The following OLA1 variants were observed in gnomAD, a reference collection of about 807,000 sequenced individuals.
OLA1 encodes the protein Obg like ATPase 1.
In OLA1, 14 loss-of-function variants were observed where a neutral mutation model predicts 48.4. The ratio of observed to expected loss-of-function variants is 0.29; its 90% CI spans 0.19 to 0.45. The LOEUF is 0.45. OLA1 is among the 20% of genes least tolerant of loss of function. The probability of loss-of-function intolerance (pLI) is 1.00; values close to 1 mark genes in which losing one functional copy is unlikely to be tolerated. For synonymous variants in OLA1, 127 were observed against 150.4 expected (o/e 0.84, Z 1.14); for missense variants, 325 against 467.1 (o/e 0.70, Z 2.80).
rs139334462 is a variant in OLA1 at position 174,245,580 on chromosome 2, T to G, written c.101+1135A>C. ...GAGATGTTTTATATTTTAAGGTTAG[T>G]GAAAGGATAAATAATGAAAAAGGAA... On this transcript the variant is annotated intron_variant, in intron 2 of 10. Transcript: ENST00000284719. 9.9e-5 allele frequency among the ~76,000 whole-genome samples: 15 copies of G among 152,192 alleles called. 1 individual carries two copies. In the East Asian group the frequency reaches 2.9e-3, roughly 29 times the overall value.
chr2:174,212,134 A>G (rs1285118144), intron 4 of OLA1, among the ~76,000 whole-genome samples: 1 of 152,180 alleles, frequency 6.6e-6, no homozygotes, highest in African/African-American at 2.4e-5. Context: ...TGTGAACATC[A>G]TAGAGGGTAC....
At chr2:174,079,172 A>T (rs1159400328) in intron 9 of OLA1, 82 bp from the exon 10 acceptor site, 1 of 1,224,496 alleles carries the variant, frequency 8.2e-7, no homozygotes, top group East Asian at 2.5e-5. Context: ...TCTGATCTGC[A>T]GTTGGGCTCA....
rs1167364322 is a variant in OLA1 at position 174,130,125 on chromosome 2, C to T, written c.550-6450G>A. ...GAAAAAAAATCAAACTAAGCTTTCT[C>T]TTATAAAATAGACCTCCACTGTGTA... On this transcript the variant is annotated intron_variant, in intron 5 of 10. Coordinates refer to ENST00000284719, the MANE Select transcript of OLA1 (RefSeq NM_013341.5). Among the ~76,000 whole-genome samples, 5 of 152,278 alleles carry T rather than the reference C, an allele frequency of 3.3e-5. No homozygotes were observed. In the South Asian group the frequency reaches 6.2e-4, roughly 19 times the overall value.
At chr2:174,187,030 C>G (rs571907033) in intron 4 of OLA1, among the ~76,000 whole-genome samples, 1 of 152,262 alleles carries the variant, frequency 6.6e-6, no homozygotes, top group South Asian at 2.1e-4. Context: ...TCACAGTGAA[C>G]ACATGCCATT....
intron 4 of OLA1, among the ~76,000 whole-genome samples, chr2:174,157,677 G>A (rs1026674214): frequency 1.3e-5 from 2 of 152,104 alleles, no homozygotes; most frequent in African/African-American, 4.8e-5. Context: ...TATTCATAAT[G>A]TCAATGGATT....
chr2:174,082,153 T>G, intron 7 of OLA1, 89 bp from the exon 8 acceptor site: 1 of 1,418,928 alleles, frequency 7.0e-7, no homozygotes, highest in Non-Finnish European at 9.8e-7. Context: ...TACATATTCA[T>G]AAGAATTGCA....
intron 4 of OLA1, among the ~76,000 whole-genome samples, chr2:174,146,097 T>G (rs1686591498): frequency 6.6e-6 from 1 of 152,118 alleles, no homozygotes; most frequent in African/African-American, 2.4e-5. Context: ...AGCAATAAAT[T>G]TGAAGTGCTT....
At chr2:174,094,605 G>C (rs993582281) in intron 7 of OLA1, among the ~76,000 whole-genome samples, 3 of 152,158 alleles carry the variant, frequency 2.0e-5, no homozygotes, top group African/African-American at 7.2e-5. Flanking sequence ...AAGAGAATTG[G>C]GAGTCCAGAA....
chr2:174,223,749 C>T (rs1688555324), intron 3 of OLA1, among the ~76,000 whole-genome samples: 1 of 135,832 alleles, frequency 7.4e-6, no homozygotes, highest in Admixed American at 7.9e-5. Flanking sequence ...ATTTGATCAC[C>T]CACATGTTAT....
chr2:174,245,180 C>G (rs967951394), intron 2 of OLA1, among the ~76,000 whole-genome samples: 1 of 152,174 alleles, frequency 6.6e-6, no homozygotes, highest in Non-Finnish European at 1.5e-5. Flanking sequence ...CTTGCTTTCA[C>G]GTTTATTGAT....
At chr2:174,234,222 A>T (rs572570500) in intron 2 of OLA1, among the ~76,000 whole-genome samples, 11 of 152,182 alleles carry the variant, frequency 7.2e-5, no homozygotes, top group African/African-American at 2.7e-4. Flanking sequence ...CTTCCTTATG[A>T]TTTTCTTAAT....
rs1174747360 is a variant in OLA1, at chr2:174,091,869, C to CAAA, written c.729-9808_729-9806dup. On this transcript the variant is annotated intron_variant, in intron 7 of 10. Transcript: ENST00000284719. The stretch of plus-strand genomic sequence containing the variant: ...CCTGGGAGACAGCGAGACTCTGCCT[C>CAAA]AAAAAAAAAAAAAAAAAAAAAAAAA... Among the ~76,000 whole-genome samples, 25 of 22,982 alleles carry CAAA rather than the reference C, an allele frequency of 1.1e-3. 6 individuals carry two copies. Among genetic ancestry groups the CAAA allele is most frequent in the African/African-American group, 2.0e-3 (14 of 7,024 alleles). The allele number at this position is 22,982 out of a possible 152,430, so 15.1% of individuals were successfully genotyped here.
Position 174,089,809 on chromosome 2 carries a change from G to T in OLA1, c.729-7745C>A, listed in dbSNP as rs561374998. ...CCCAACTACTTGGAAGGCTGAGGTG[G>T]GAGGATCGCTTCAGCCCAGGAGGAG... On this transcript the variant is annotated intron_variant, in intron 7 of 10. Coordinates refer to ENST00000284719, the MANE Select transcript of OLA1 (RefSeq NM_013341.5). Among the ~76,000 whole-genome samples, 8 of 151,770 alleles carry T rather than the reference G, an allele frequency of 5.3e-5. No homozygotes were observed. The East Asian group carries it at 1.4e-3, about 26-fold the overall frequency.
intron 4 of OLA1, among the ~76,000 whole-genome samples, chr2:174,181,163 G>A (rs1214209930): frequency 6.6e-6 from 1 of 152,114 alleles, no homozygotes; most frequent in African/African-American, 2.4e-5. Flanking sequence ...CTTAATCAGA[G>A]AAAACTATGG....
intron 4 of OLA1, among the ~76,000 whole-genome samples, chr2:174,175,079 C>A (rs1044909283): frequency 6.6e-6 from 1 of 151,948 alleles, no homozygotes; most frequent in African/African-American, 2.4e-5. Flanking sequence ...AAAATTAACA[C>A]CTTACCTCAT....
intron 3 of OLA1, among the ~76,000 whole-genome samples, chr2:174,224,538 A>C (rs886729253): frequency 6.6e-6 from 1 of 152,146 alleles, no homozygotes; most frequent in Non-Finnish European, 1.5e-5. Flanking sequence ...TGGGAGGCTG[A>C]GGCAGGAGGG....
At chr2:174,224,084 TA>T (rs1421706778) in intron 3 of OLA1, among the ~76,000 whole-genome samples, 2 of 152,234 alleles carry the variant, frequency 1.3e-5, no homozygotes, top group African/African-American at 4.8e-5. Context: ...CACTACCTGA[TA>T]AAATACAACA....
chr2:174,100,550 A>C (rs1156473634), intron 7 of OLA1, among the ~76,000 whole-genome samples: 1 of 152,144 alleles, frequency 6.6e-6, no homozygotes, highest in African/African-American at 2.4e-5. Context: ...GACTACAGGC[A>C]TTCACCACCA....
chr2:174,082,788 T>C (rs957436470), intron 7 of OLA1, among the ~76,000 whole-genome samples: 1 of 152,110 alleles, frequency 6.6e-6, no homozygotes, highest in African/African-American at 2.4e-5. Flanking sequence ...GAAAAGACAT[T>C]ATTGAGTCAT....
Sources: gnomAD v4.1 joint callset for allele counts (sites outside exome capture counted in the v4.1 genomes callset) on GRCh38, gnomAD v4.1.1 for gene constraint, MANE v1.5 for transcripts, NCBI Gene and HGNC (gene_info 2026-07-23, HGNC 2026-07-21) for gene names.